AGO3: variants seen among roughly 807,000 people sequenced by gnomAD.
AGO3 encodes the protein protein argonaute-3.
AGO3 carries 16 observed loss-of-function variants against 105.5 expected under a neutral mutation model. The ratio of observed to expected loss-of-function variants is 0.15; its 90% CI spans 0.10 to 0.23. The LOEUF is 0.23. Ranked by LOEUF, AGO3 falls within the 10% of genes least tolerant of loss-of-function variation. AGO3 has a pLI of 1.00. For missense variants in AGO3, 534 were observed against 1,088.0 expected, an observed-to-expected ratio of 0.49 and a Z score of 7.16; for synonymous variants, 340 against 367.3, an observed-to-expected ratio of 0.93 and a Z score of 0.85.
chr1:36,039,793 G>T lies in AGO3; in HGVS notation c.1846G>T (p.Val616Leu), dbSNP rs1642172698. The change falls in exon 15 of 19, where the codon GTA becomes TTA. Residue 616 changes from valine (V) to leucine (L), a missense_variant. Val to Leu is a conservative substitution (Grantham distance 32). Transcript: ENST00000373191. ...DGKKPSIAAVVGSMDAHPSRY... is the reference protein window; with the variant it reads ...DGKKPSIAAVLGSMDAHPSRY... Reference sequence around the variant, plus strand: ...TATTTTACTTTTTCTAACCTAGGTTGTAGGTAGTATGGATGCACACCCAAG... The same window carrying T: ...TATTTTACTTTTTCTAACCTAGGTTTTAGGTAGTATGGATGCACACCCAAG... The T allele has an allele frequency of 6.7e-7, 1 of 1,499,816 alleles. No homozygotes were observed. Among genetic ancestry groups the T allele is most frequent in the African/African-American group, 1.4e-5 (1 of 70,786 alleles). The allele number at this position is 1,499,816 out of a possible 1,614,324, so 92.9% of individuals were successfully genotyped here. A position where few individuals can be genotyped will look rare whatever the true frequency, so the allele number is the denominator to read the frequency against.
Position 36,056,736 on chromosome 1 carries a change from C to A in AGO3, c.*991C>A, listed in dbSNP as rs1642927394. The A allele has an allele frequency of 6.6e-6, 1 of 150,472 alleles. No individual in the cohort carries two copies. The highest frequency in any genetic ancestry group is 2.4e-5 in the African/African-American group (1 of 40,960). 9.3% of individuals were successfully genotyped at this position (150,472 alleles called of 1,614,324 possible). A position where few individuals can be genotyped will look rare whatever the true frequency, so the allele number is the denominator to read the frequency against. The stretch of plus-strand genomic sequence containing the variant: ...ACTATTCTTTTTCTTTTTTCTTTTT[C>A]TTTTCTTTCTTTTTTTTTTTTAATG... On this transcript the variant is annotated 3_prime_UTR_variant, in exon 19 of 19. Transcript: ENST00000373191.
chr1:35,954,748 C>T (rs1409683838), intron 2 of AGO3, among the ~76,000 whole-genome samples: 1 of 152,176 alleles, frequency 6.6e-6, no homozygotes, highest in African/African-American at 2.4e-5. Flanking sequence ...GTGATATGCA[C>T]ATTATGTACT....
chr1:35,944,476 ATTAG>A (rs774248125), intron 1 of AGO3, among the ~76,000 whole-genome samples: 8 of 148,620 alleles, frequency 5.4e-5, no homozygotes, highest in South Asian at 4.2e-4. Context: ...CACTTCTGTT[ATTAG>A]TTAAGCCCTT....
chr1:36,038,502 A>G (rs574229021), intron 14 of AGO3, among the ~76,000 whole-genome samples: 33 of 151,890 alleles, frequency 2.2e-4, no homozygotes, highest in East Asian at 3.9e-4. Flanking sequence ...TGATTCGCCC[A>G]CCTCGGCCTC....
intron 2 of AGO3, among the ~76,000 whole-genome samples, chr1:35,953,422 G>A (rs1646509539): frequency 6.6e-6 from 1 of 151,864 alleles, no homozygotes; most frequent in East Asian, 1.9e-4. Context: ...TCTCATTGTC[G>A]TTTTGACTTG....
At position 36,040,385 on chromosome 1, in the gene AGO3, A is replaced by G. The variant is rs748337532; in HGVS notation, c.2116A>G (p.Ile706Val). 3.1e-6 allele frequency: 5 copies of G among 1,614,022 alleles called. No individual in the cohort carries two copies. The highest frequency in any genetic ancestry group is 1.7e-6 in the Non-Finnish European group (2 of 1,179,936). The part of the protein sequence containing the change: ...EKDYQPGITY[I>V]VVQKRHHTRL... Reference sequence around the variant, plus strand: ...AGACTATCAACCTGGAATAACCTACATTGTAGTTCAGAAGAGACATCACAC... The same window carrying G: ...AGACTATCAACCTGGAATAACCTACGTTGTAGTTCAGAAGAGACATCACAC... Residue 706 changes from isoleucine (I) to valine (V), a missense_variant, in exon 16 of 19, where the codon ATT (isoleucine) becomes GTT (valine). Physicochemically the swap from Ile to Val is conservative, Grantham distance 29 (BLOSUM62 3). Transcript: ENST00000373191.
chr1:35,992,512 A>C (rs1225595273), intron 5 of AGO3, among the ~76,000 whole-genome samples: 1 of 152,078 alleles, frequency 6.6e-6, no homozygotes, highest in Non-Finnish European at 1.5e-5. Context: ...TTGTACCTTA[A>C]ATTTTTTTTT....
In AGO3 at chr1:36,027,372, A is replaced by G; in HGVS notation, c.1591+74A>G. On this transcript the variant is annotated intron_variant, in intron 12 of 18. Transcript: ENST00000373191. This position sits in a 1 kb window ranked among gnomAD's most constrained non-coding sequence, Gnocchi z 4.0. The stretch of plus-strand genomic sequence containing the variant: ...TTAGGATTATACTGAAACATATCCT[A>G]AAACTTTCAAATATTAAAATATATT... 2 of 1,278,424 alleles carry G rather than the reference A, an allele frequency of 1.6e-6. No homozygotes were observed. Among genetic ancestry groups the G allele is most frequent in the Non-Finnish European group, 2.1e-6 (2 of 952,302 alleles). 79.2% of individuals were successfully genotyped at this position (1,278,424 alleles called of 1,614,324 possible).
rs1201301407 is a variant in AGO3, at chr1:36,055,026, C to T, written c.2355C>T (p.Tyr785=). 6.2e-7 allele frequency: 1 copy of T among 1,614,184 alleles called. No homozygotes were observed. Among genetic ancestry groups the T allele is most frequent in the African/African-American group, 1.3e-5 (1 of 75,050 alleles). Residue 785 remains tyrosine (Y), a synonymous_variant, in exon 18 of 19, where the codon TAC becomes TAT. Transcript: ENST00000373191. The surrounding 1 kb of genome is among the most constrained non-coding windows in gnomAD (Gnocchi z 4.4). ...CAGATGAACTTCAGCTGCTAACTTA[C>T]CAGCTCTGCCACACTTACGTACGCT... ...FTADELQLLT[Y]QLCHTYVRCT...
chr1:36,029,526 C>T (rs1641669446), intron 12 of AGO3, among the ~76,000 whole-genome samples: 1 of 151,250 alleles, frequency 6.6e-6, no homozygotes, highest in Non-Finnish European at 1.5e-5. Flanking sequence ...TCCTGAGTAG[C>T]TGGGACTACA....
At chr1:35,945,588 T>C in intron 1 of AGO3, 104 bp from the exon 2 acceptor site, 5 of 1,140,202 alleles carry the variant, frequency 4.4e-6, no homozygotes, top group Non-Finnish European at 6.3e-6. Context: ...AACTAGGTTT[T>C]AGCCATTATC....
intron 2 of AGO3, among the ~76,000 whole-genome samples, chr1:35,947,020 G>T (rs894992316): frequency 6.6e-6 from 1 of 152,168 alleles, no homozygotes; most frequent in Admixed American, 6.5e-5. Flanking sequence ...TCATTAGGAA[G>T]TATTTTGTAA....
intron 1 of AGO3, among the ~76,000 whole-genome samples, chr1:35,932,250 G>A (rs1030563303): frequency 3.3e-5 from 5 of 152,206 alleles, no homozygotes; most frequent in African/African-American, 1.2e-4. Flanking sequence ...TTCAGGGACA[G>A]AAAGGTGTTG....
At chr1:35,965,406 C>A (rs1353798259) in intron 2 of AGO3, among the ~76,000 whole-genome samples, 1 of 149,206 alleles carries the variant, frequency 6.7e-6, no homozygotes, top group Non-Finnish European at 1.5e-5. Flanking sequence ...AGGAGAATTG[C>A]TGGAACCTGG....
intron 5 of AGO3, among the ~76,000 whole-genome samples, chr1:35,988,342 C>A (rs1353625567): frequency 6.6e-6 from 1 of 152,056 alleles, no homozygotes; most frequent in African/African-American, 2.4e-5. Context: ...TTCAAGTATA[C>A]AATAATAATT....
At chr1:36,023,275 G>C (rs1003728539) in intron 11 of AGO3, among the ~76,000 whole-genome samples, 13 of 152,212 alleles carry the variant, frequency 8.5e-5, no homozygotes, top group Non-Finnish European at 1.8e-4. Flanking sequence ...AGAGAGGAAT[G>C]GACACAGAGA....
chr1:35,931,126 A>G lies in AGO3; in HGVS notation c.-301A>G. The G allele has an allele frequency of 5.9e-6, 2 of 338,526 alleles. No individual in the cohort carries two copies. Among genetic ancestry groups the G allele is most frequent in the Non-Finnish European group, 1.1e-5 (2 of 189,946 alleles). 21.0% of individuals were successfully genotyped at this position (338,526 alleles called of 1,614,324 possible). On this transcript the variant is annotated 5_prime_UTR_variant, in exon 1 of 19. Coordinates refer to ENST00000373191, the MANE Select transcript of AGO3 (RefSeq NM_024852.4). ...GGGCAGGTCGGCGGCGGCGGCCCGC[A>G]GTCGTGGAGGAGCGGTGGGAGCGTC...
chr1:35,942,063 A>G (rs535318361), intron 1 of AGO3, among the ~76,000 whole-genome samples: 3 of 152,344 alleles, frequency 2.0e-5, no homozygotes, highest in South Asian at 2.1e-4. Context: ...CAGAGCCAGT[A>G]CTAAGGGCTA....
Position 36,057,906 on chromosome 1 carries a change from G to A in AGO3, c.*2161G>A, listed in dbSNP as rs984837885. On this transcript the variant is annotated 3_prime_UTR_variant, in exon 19 of 19. Coordinates refer to ENST00000373191, the MANE Select transcript of AGO3 (RefSeq NM_024852.4). ...GCAGGATTGCTTGAACCTAGGAGGC[G>A]GAAGTTACAGTGAGCCAAGACTGCA... The A allele has an allele frequency of 5.9e-5, 9 of 151,940 alleles. No homozygotes were observed. The highest frequency in any genetic ancestry group is 1.3e-4 in the Admixed American group (2 of 15,244). The allele number at this position is 151,940 out of a possible 1,614,324, so 9.4% of individuals were successfully genotyped here.
Sources: gnomAD v4.1 joint callset for allele counts (sites outside exome capture counted in the v4.1 genomes callset) on GRCh38, gnomAD v4.1.1 for gene constraint, Gnocchi (gnomAD v3.1) non-coding constraint, MANE v1.5 for transcripts, NCBI Gene and HGNC (gene_info 2026-07-23, HGNC 2026-07-21) for gene names.